The following UBA1 variants were observed in gnomAD, a reference collection of about 807,000 sequenced individuals.
UBA1 encodes the protein ubiquitin-like modifier-activating enzyme 1.
A neutral mutation model predicts 84.7 loss-of-function variants in UBA1; 4 were observed. That is an observed-to-expected ratio of 0.05 (90% CI 0.02 to 0.11). The LOEUF is 0.11. Ranked by LOEUF, UBA1 falls within the 10% of genes least tolerant of loss-of-function variation. UBA1 has a pLI of 1.00. For missense variants in UBA1, 513 were observed against 902.8 expected (o/e 0.57, Z 5.53); for synonymous variants, 364 against 362.6 (o/e 1.00, Z -0.04).
At chrX:47,197,296 T>G (rs1482128275) in intron 1 of UBA1, 59 of 753,851 alleles carry the variant, frequency 7.8e-5, no homozygotes, top group Non-Finnish European at 8.6e-5. Flanking sequence ...TTTTCCCATT[T>G]GTGATTTGGG....
At chrX:47,208,311 G>A (rs886502408) in intron 16 of UBA1, among the ~76,000 whole-genome samples, 2 of 97,259 alleles carry the variant, frequency 2.1e-5, no homozygotes, top group East Asian at 6.2e-4. Flanking sequence ...GTGTGTACGT[G>A]TAAGTGTGTG....
At chrX:47,213,227 G>A in intron 23 of UBA1, 46 bp downstream of exon 23, 2 of 1,170,576 alleles carry the variant, frequency 1.7e-6, no homozygotes, top group Non-Finnish European at 1.1e-6. Context: ...GTGTATCTGT[G>A]TAGATCTGGT....
At position 47,202,333 on chromosome X, in the gene UBA1, C is replaced by T. The variant is rs185229403; in HGVS notation, c.910-25C>T. ...AGTTCTCCATTCCTCTCTTCTGGTT[C>T]TGATGACCTCTCCCCCCGCCACAGA... is the stretch of plus-strand genomic sequence containing the variant. On this transcript the variant is annotated intron_variant, in intron 9 of 25. Transcript: ENST00000335972. 891 of 1,207,200 alleles carry T rather than the reference C, an allele frequency of 7.4e-4. 1 individual carries two copies. The highest frequency in any genetic ancestry group is 8.1e-4 in the Non-Finnish European group (720 of 893,682).
intron 16 of UBA1, among the ~76,000 whole-genome samples, chrX:47,208,309 G>A (rs782043585): frequency 1.3e-4 from 13 of 97,264 alleles, no homozygotes; most frequent in African/African-American, 4.2e-4. Context: ...CTGTGTGTAC[G>A]TGTAAGTGTG....
intron 5 of UBA1, 22 bp downstream of exon 5, chrX:47,199,636 G>C (rs782685407): frequency 5.0e-6 from 6 of 1,207,663 alleles, no homozygotes; most frequent in Admixed American, 2.2e-5. Context: ...GTACTACCCA[G>C]CCTTCTGCCC....
chrX:47,212,942 G>C (rs782355826), intron 22 of UBA1, 48 bp from the exon 23 acceptor site: 2 of 1,209,981 alleles, frequency 1.7e-6, no homozygotes, highest in Non-Finnish European at 2.2e-6. Context: ...TAGACCCTGA[G>C]GCTCTTGTAC....
chrX:47,203,358 C>G, intron 13 of UBA1, 144 bp downstream of exon 13: 1 of 827,755 alleles, frequency 1.2e-6, no homozygotes, highest in South Asian at 2.2e-5. Flanking sequence ...GTGCATCCCT[C>G]GTTTCCCCTT....
At chrX:47,208,557 T>C (rs1188851649) in intron 16 of UBA1, 1 of 111,505 alleles carries the variant, frequency 9.0e-6, no homozygotes, top group Non-Finnish European at 1.9e-5. Context: ...TGTGGTAAGA[T>C]ATACCTAATT....
chrX:47,206,505 C>T, intron 16 of UBA1, 61 bp downstream of exon 16: 3 of 1,123,250 alleles, frequency 2.7e-6, no homozygotes, highest in Non-Finnish European at 1.2e-6. Context: ...TGCCTCTCCG[C>T]CCCCAGGCCC....
intron 11 of UBA1, 36 bp from the exon 12 acceptor site, chrX:47,202,907 C>G: frequency 8.3e-7 from 1 of 1,202,652 alleles, no homozygotes; most frequent in African/African-American, 1.7e-5. Flanking sequence ...CCCCTGTTAA[C>G]CACTGACCAC....
At chrX:47,197,264 A>T in intron 1 of UBA1, 4 of 754,749 alleles carry the variant, frequency 5.3e-6, no homozygotes, top group Non-Finnish European at 6.3e-6. Context: ...TGGGCGAGTG[A>T]ATGGGGTTCT....
Position 47,200,844 on chromosome X carries a change from T to G in UBA1, c.481-50T>G, listed in dbSNP as rs782475942. Reference sequence around the variant, plus strand: ...CTGAGTCCTCCACACCAGCCCTCCATTTTTTCCCCTTCACCCCAATGCTGG... The same window carrying G: ...CTGAGTCCTCCACACCAGCCCTCCAGTTTTTCCCCTTCACCCCAATGCTGG... On this transcript the variant is annotated intron_variant, in intron 5 of 25. Transcript: ENST00000335972. The G allele has an allele frequency of 1.4e-5, 15 of 1,049,902 alleles. No homozygotes were observed. The African/African-American group carries it at 1.7e-4, about 12-fold the overall frequency. 86.5% of individuals were successfully genotyped at this position (1,049,902 alleles called of 1,213,427 possible).
chrX:47,196,589 G>T (rs1159710052), intron 1 of UBA1, among the ~76,000 whole-genome samples: 3 of 108,745 alleles, frequency 2.8e-5, no homozygotes, highest in East Asian at 2.9e-4. Context: ...TCTGCTGGGG[G>T]TGGGGGATCT....
At chrX:47,198,046 G>A in intron 1 of UBA1, 3 of 898,232 alleles carry the variant, frequency 3.3e-6, no homozygotes, top group Non-Finnish European at 4.2e-6. Flanking sequence ...GGCTTGGGAT[G>A]TGTTTGTTTT....
At chrX:47,201,654 T>G in intron 8 of UBA1, 44 bp downstream of exon 8, 1 of 1,198,250 alleles carries the variant, frequency 8.3e-7, no homozygotes, top group Non-Finnish European at 1.1e-6. Flanking sequence ...CTAGAAGATA[T>G]GTTCCTGGGT....
At chrX:47,208,413 C>T (rs1425450281) in intron 16 of UBA1, 2 of 112,165 alleles carry the variant, frequency 1.8e-5, no homozygotes, top group African/African-American at 6.5e-5. Context: ...ATCCACCTGC[C>T]TCAGCCTCCA....
At chrX:47,200,321 A>G (rs1936358184) in intron 5 of UBA1, among the ~76,000 whole-genome samples, 2 of 112,321 alleles carry the variant, frequency 1.8e-5, no homozygotes, top group South Asian at 7.3e-4. Flanking sequence ...CAGCTGGCAT[A>G]TAAGGACTGG....
chrX:47,209,656 C>A lies in UBA1; in HGVS notation c.1972C>A (p.Gln658Lys), dbSNP rs782648101. The change falls in exon 17 of 26, where the codon CAG becomes AAG. Residue 658 changes from glutamine (Q) to lysine (K), a missense_variant. By Grantham distance (53) the Gln-to-Lys change is moderately conservative (BLOSUM62 1). Coordinates refer to ENST00000335972, the MANE Select transcript of UBA1 (RefSeq NM_003334.4). ...GGATGAGTTTGAAGGCCTCTTCAAG[C>A]AGCCAGCAGAAAATGTCAACCAGTA... ...ARDEFEGLFK[Q>K]PAENVNQYLT... 1 of 1,211,874 alleles carries A rather than the reference C, an allele frequency of 8.3e-7. No individual in the cohort carries two copies. The highest frequency in any genetic ancestry group is 2.2e-5 in the Admixed American group (1 of 46,083).
In UBA1 at chrX:47,198,404, G is replaced by A. The variant is rs1556786252; in HGVS notation, c.1-399G>A. ...TTCACAGGTGAGAAAACTGAGGCCT[G>A]TGGCGGTTAATTATTACTGTTAGTG... On this transcript the variant is annotated intron_variant, in intron 1 of 25. Coordinates refer to ENST00000335972, the MANE Select transcript of UBA1 (RefSeq NM_003334.4). The A allele has an allele frequency of 8.5e-6, 6 of 705,855 alleles. No individual in the cohort carries two copies. In the South Asian group the frequency reaches 1.4e-4, roughly 17 times the overall value. The allele number at this position is 705,855 out of a possible 1,213,427, so 58.2% of individuals were successfully genotyped here. A position where few individuals can be genotyped will look rare whatever the true frequency, so the allele number is the denominator to read the frequency against.
Sources: allele counts gnomAD v4.1 joint callset (sites outside exome capture counted in the v4.1 genomes callset), GRCh38; gene constraint gnomAD v4.1.1; transcripts MANE v1.5; gene names NCBI Gene and HGNC (gene_info 2026-07-23, HGNC 2026-07-21).